Variants in KTN1 observed in about 807,000 individuals in gnomAD.
The protein encoded by KTN1 is kinectin 1, also known as kinectin.
KTN1 carries 130 observed loss-of-function variants against 222.5 expected under a neutral mutation model. That is an observed-to-expected ratio of 0.58 (90% confidence interval 0.51 to 0.68). The LOEUF (loss-of-function observed/expected upper bound fraction) is 0.68, where lower values mean the gene tolerates loss of function less well. KTN1 is among the 30% of genes least tolerant of loss of function. KTN1 has a pLI of 0.00. For missense variants in KTN1, 1,508 were observed against 1,500.4 expected, an observed-to-expected ratio of 1.01 and a Z score of -0.08; for synonymous variants, 512 against 496.3, an observed-to-expected ratio of 1.03 and a Z score of -0.42.
intron 5 of KTN1, among the ~76,000 whole-genome samples, chr14:55,623,177 T>C (rs138097325): frequency 3.3e-5 from 5 of 152,282 alleles, no homozygotes; most frequent in Admixed American, 6.5e-5. Flanking sequence ...ACAGCATTTA[T>C]CATAGCACTA....
intron 5 of KTN1, among the ~76,000 whole-genome samples, chr14:55,623,150 G>A (rs960053369): frequency 8.5e-5 from 13 of 152,100 alleles, no homozygotes; most frequent in African/African-American, 2.7e-4. Flanking sequence ...TCTTACAACC[G>A]TCTGGATGTT....
At chr14:55,683,954 C>T (rs2046579171) in intron 43 of KTN1, 145 bp from the exon 44 acceptor site, 2 of 525,112 alleles carry the variant, frequency 3.8e-6, no homozygotes, top group Non-Finnish European at 6.5e-6. Flanking sequence ...GTTTGATTAC[C>T]ATTAGTGTGA....
Position 55,671,647 on chromosome 14 carries a change from G to A in KTN1, c.3430G>A (p.Ala1144Thr). Residue 1144 changes from alanine to threonine, a missense_variant, in exon 36 of 44, where the codon GCA becomes ACA. Ala to Thr is a moderately conservative substitution (Grantham distance 58). Coordinates refer to ENST00000395314, the MANE Select transcript of KTN1 (RefSeq NM_001079521.2). Reference sequence around the variant, plus strand: ...GTGTGAAAAATACAAATCCGTCCTTGCAGAAACAGTAGGAAATGATTTTTA... The same window carrying A: ...GTGTGAAAAATACAAATCCGTCCTTACAGAAACAGTAGGAAATGATTTTTA... ...LECEKYKSVL[A>T]ETEGILQKLQ... is the part of the protein sequence containing the mutation. 6.2e-7 allele frequency: 1 copy of A among 1,608,882 alleles called. No homozygotes were observed. Among genetic ancestry groups the A allele is most frequent in the Non-Finnish European group, 8.5e-7 (1 of 1,176,702 alleles).
intron 6 of KTN1, 79 bp downstream of exon 6, chr14:55,628,107 G>T (rs1185107058): frequency 1.2e-6 from 1 of 867,118 alleles, no homozygotes; most frequent in African/African-American, 1.7e-5. Flanking sequence ...TCCATAATCA[G>T]TAGTTTAATT....
chr14:55,639,362 C>CTTTTTTTTT (rs369782699), intron 13 of KTN1, 140 bp downstream of exon 13: 9 of 351,538 alleles, frequency 2.6e-5, no homozygotes, highest in African/African-American at 4.9e-5. Context: ...GCAACTTTTG[C>CTTTTTTTTT]TTTTTTTTTT....
At chr14:55,674,513 C>T (rs368875883) in intron 40 of KTN1, 2 of 152,254 alleles carry the variant, frequency 1.3e-5, no homozygotes, top group East Asian at 1.9e-4. Context: ...TTTACTTTAA[C>T]TGAACTCATT....
rs1566787989 is a variant in KTN1 at position 55,646,458 on chromosome 14, CCTTTT to C, written c.2173-513_2173-509del. ...TTCCTTTCCTTTTCCTTTTCCTTTT[CCTTTT>C]CCTTTCCTTTCCTTTCCTTTCCTTT... On this transcript the variant is annotated intron_variant, in intron 18 of 43. Transcript: ENST00000395314. Among the ~76,000 whole-genome samples, 44 of 60,494 alleles carry C rather than the reference CCTTTT, an allele frequency of 7.3e-4. 1 individual carries two copies. The highest frequency in any genetic ancestry group is 9.6e-3 in the Middle Eastern group (1 of 104). 39.7% of individuals were successfully genotyped at this position (60,494 alleles called of 152,430 possible).
At chr14:55,629,912 A>G (rs752712947) in intron 6 of KTN1, 45 bp from the exon 7 acceptor site, 22 of 1,229,172 alleles carry the variant, frequency 1.8e-5, no homozygotes, top group South Asian at 1.0e-4. Flanking sequence ...GGCTTATGAT[A>G]CTTATTAAAT....
At chr14:55,623,973 C>T (rs2039478558) in intron 5 of KTN1, among the ~76,000 whole-genome samples, 1 of 152,038 alleles carries the variant, frequency 6.6e-6, no homozygotes, top group Middle Eastern at 3.2e-3. Context: ...AATCAGACTA[C>T]CCTTTATCTA....
intron 1 of KTN1, among the ~76,000 whole-genome samples, chr14:55,611,704 A>G (rs1487474783): frequency 1.3e-5 from 2 of 152,210 alleles, no homozygotes; most frequent in Non-Finnish European, 2.9e-5. Context: ...ATAAAGTACC[A>G]AAAGTGGATA....
rs184593436 is a variant in KTN1, at chr14:55,613,460, G to A, written c.523+889G>A. Among the ~76,000 whole-genome samples the A allele has an allele frequency of 5.8e-4, 88 of 150,628 alleles. 1 individual carries two copies. The East Asian group carries it at 9.7e-3, about 17-fold the overall frequency. On this transcript the variant is annotated intron_variant, in intron 2 of 43. Transcript: ENST00000395314. ...ACTTGTATGTACCATTAAGTCATTT[G>A]TGTGTCTTAACTTGTAGGAGGTTAT...
At chr14:55,651,606 A>T (rs1396585016) in intron 24 of KTN1, 5 of 405,220 alleles carry the variant, frequency 1.2e-5, no homozygotes, top group Non-Finnish European at 1.8e-5. Context: ...TTCCTTCTCC[A>T]TCCCACTGCT....
intron 1 of KTN1, among the ~76,000 whole-genome samples, chr14:55,600,832 C>CT (rs1351984167): frequency 1.3e-5 from 2 of 151,372 alleles, no homozygotes; most frequent in East Asian, 1.9e-4. Context: ...AAAGTTATTA[C>CT]TTTTTTGGTA....
At chr14:55,596,154 C>CAAAAAAAAAAA (rs71448460) in intron 1 of KTN1, among the ~76,000 whole-genome samples, 4 of 61,102 alleles carry the variant, frequency 6.5e-5, no homozygotes, top group South Asian at 6.5e-4. Context: ...GACTCAATAG[C>CAAAAAAAAAAA]AAAAAAAAAA....
rs780230803 is a variant in KTN1 at position 55,678,370 on chromosome 14, C to T, written c.3874C>T (p.Leu1292Phe). The T allele has an allele frequency of 3.1e-6, 5 of 1,606,916 alleles. No homozygotes were observed. Among genetic ancestry groups the T allele is most frequent in the South Asian group, 1.1e-5 (1 of 90,948 alleles). Residue 1292 changes from leucine to phenylalanine, a missense_variant, in exon 42 of 44, where the codon CTT becomes TTT. Transcript: ENST00000395314. ...CTTATAGGCTCAACAGTCACTGGAGCTTATCCAGTCAAAAATAGTAAAAGC... is the reference window on the plus strand; with the variant it reads ...CTTATAGGCTCAACAGTCACTGGAGTTTATCCAGTCAAAAATAGTAAAAGC... The part of the protein sequence containing the change: ...DLHKAQQSLE[L>F]IQSKIVKAAG...
chr14:55,651,991 T>C, intron 25 of KTN1, 64 bp downstream of exon 25: 1 of 1,015,148 alleles, frequency 9.9e-7, no homozygotes, highest in Non-Finnish European at 1.5e-6. Flanking sequence ...AGAAGTATAA[T>C]GAAAATTATA....
At position 55,650,489 on chromosome 14, in the gene KTN1, G is replaced by A. The variant is rs539680699; in HGVS notation, c.2496+71G>A. On this transcript the variant is annotated intron_variant, in intron 23 of 43. Transcript: ENST00000395314. ...TTTAGTTAATATCATTTAATTTCGTGTGTTTTTGTCTGTGCATTGCATTTT... is the reference window on the plus strand; with the variant it reads ...TTTAGTTAATATCATTTAATTTCGTATGTTTTTGTCTGTGCATTGCATTTT... The A allele has an allele frequency of 4.0e-6, 6 of 1,504,786 alleles. No individual in the cohort carries two copies. The South Asian group carries it at 5.8e-5, about 15-fold the overall frequency. The allele number at this position is 1,504,786 out of a possible 1,614,324, so 93.2% of individuals were successfully genotyped here.
intron 1 of KTN1, among the ~76,000 whole-genome samples, chr14:55,591,038 T>C (rs2034029001): frequency 6.6e-6 from 1 of 151,746 alleles, no homozygotes; most frequent in African/African-American, 2.4e-5. Context: ...GTATGAATAT[T>C]TTACAACCTG....
chr14:55,662,424 T>C (rs1411559356), intron 32 of KTN1, among the ~76,000 whole-genome samples: 2 of 152,124 alleles, frequency 1.3e-5, no homozygotes, highest in Admixed American at 6.5e-5. Flanking sequence ...TTAAGTGTGT[T>C]AGAGGCTTTA....
Sources: gnomAD v4.1 joint callset for allele counts (sites outside exome capture counted in the v4.1 genomes callset) on GRCh38, gnomAD v4.1.1 for gene constraint, MANE v1.5 for transcripts, NCBI Gene and HGNC (gene_info 2026-07-23, HGNC 2026-07-21) for gene names.